LNP1: variants seen among roughly 807,000 people sequenced by gnomAD.
LNP1 encodes the protein leukemia NUP98 fusion partner 1.
In LNP1, 12 loss-of-function variants were observed where a neutral mutation model predicts 14.5. That is an observed-to-expected ratio of 0.83 (90% CI 0.53 to 1.34). The LOEUF is 1.34. LNP1 is among the 40% of genes most tolerant of loss of function. LNP1 has a pLI of 0.00. For missense variants in LNP1, 198 were observed against 210.9 expected, an observed-to-expected ratio of 0.94 and a Z score of 0.38; for synonymous variants, 75 against 71.4, an observed-to-expected ratio of 1.05 and a Z score of -0.26.
chr3:100,449,975 G>A (rs948243061), intron 2 of LNP1, among the ~76,000 whole-genome samples: 1 of 152,046 alleles, frequency 6.6e-6, no homozygotes, highest in East Asian at 1.9e-4. Flanking sequence ...GCTTGGCCTG[G>A]CTAGCAAAAA....
chr3:100,447,365 C>T (rs562559701), intron 2 of LNP1, among the ~76,000 whole-genome samples: 26 of 151,994 alleles, frequency 1.7e-4, no homozygotes, highest in African/African-American at 5.3e-4. Context: ...AACCAAACAC[C>T]GCATGTTCTC....
intron 2 of LNP1, among the ~76,000 whole-genome samples, chr3:100,447,789 A>G (rs1054914685): frequency 8.5e-5 from 13 of 152,146 alleles, no homozygotes; most frequent in Non-Finnish European, 1.9e-4. Context: ...CTTTCTTACA[A>G]GAAAATTCCC....
At chr3:100,422,384 T>C (rs1339326414) in intron 1 of LNP1, among the ~76,000 whole-genome samples, 1 of 151,940 alleles carries the variant, frequency 6.6e-6, no homozygotes, top group Non-Finnish European at 1.5e-5. Flanking sequence ...AGGGTTTCAC[T>C]GTGTTAGCCA....
intron 1 of LNP1, among the ~76,000 whole-genome samples, chr3:100,409,409 C>T (rs1469581455): frequency 2.6e-5 from 4 of 151,566 alleles, no homozygotes; most frequent in Admixed American, 2.6e-4. Flanking sequence ...CTTTGGGAGG[C>T]TGAGGCGGGT....
chr3:100,439,329 T>C (rs1367192664), intron 2 of LNP1, among the ~76,000 whole-genome samples: 1 of 152,034 alleles, frequency 6.6e-6, no homozygotes, highest in Non-Finnish European at 1.5e-5. Flanking sequence ...GAGAAAAACT[T>C]TGGTAAGAGT....
In LNP1 at chr3:100,450,089, CTTTTT is replaced by C. The variant is rs57762414; in HGVS notation, c.157-1616_157-1612del. ...GGTCGTTTTTCTCCACACCATACCA[CTTTTT>C]TTTTTTTTTTTTTGGTGGGAACGTA... On this transcript the variant is annotated intron_variant, in intron 2 of 3. Coordinates refer to ENST00000383693, the MANE Select transcript of LNP1 (RefSeq NM_001085451.2). 9.2e-4 allele frequency among the ~76,000 whole-genome samples: 124 copies of C among 135,160 alleles called. 2 individuals are homozygous for C. In the South Asian group the frequency reaches 0.012, roughly 13 times the overall value. 88.7% of individuals were successfully genotyped at this position (135,160 alleles called of 152,430 possible). A position where few individuals can be genotyped will look rare whatever the true frequency, so the allele number is the denominator to read the frequency against.
At chr3:100,453,930 A>C (rs1278257944) in intron 3 of LNP1, among the ~76,000 whole-genome samples, 1 of 152,144 alleles carries the variant, frequency 6.6e-6, no homozygotes, top group Non-Finnish European at 1.5e-5. Context: ...ATTTGAAATC[A>C]TGTGTTGCTA....
At position 100,442,775 on chromosome 3, in the gene LNP1, T is replaced by A. The variant is rs369465583; in HGVS notation, c.157-8944T>A. 4.0e-3 allele frequency among the ~76,000 whole-genome samples: 606 copies of A among 152,276 alleles called. 3 individuals are homozygous for A. Among genetic ancestry groups the A allele is most frequent in the African/African-American group, 0.013 (548 of 41,570 alleles). ...TTCTTTCACATTTCCCTCCTTTTTT[T>A]AAAAATAAAATCTTTTGGAATAAGT... On this transcript the variant is annotated intron_variant, in intron 2 of 3. Transcript: ENST00000383693.
chr3:100,432,030 A>G (rs1319787528), intron 2 of LNP1, among the ~76,000 whole-genome samples: 1 of 62,504 alleles, frequency 1.6e-5, no homozygotes, highest in Admixed American at 1.7e-4. Flanking sequence ...ATATATATAT[A>G]TATATATATA....
chr3:100,437,842 TTAAAGA>T (rs910572162), intron 2 of LNP1, among the ~76,000 whole-genome samples: 2 of 152,216 alleles, frequency 1.3e-5, no homozygotes, highest in African/African-American at 2.4e-5. Flanking sequence ...GTTGCTGTTG[TTAAAGA>T]TAAAGGATTT....
chr3:100,416,912 T>C (rs2148900490), intron 1 of LNP1, among the ~76,000 whole-genome samples: 1 of 152,116 alleles, frequency 6.6e-6, no homozygotes, highest in East Asian at 1.9e-4. Flanking sequence ...GGCCCAGGTG[T>C]ATGTTGTTCC....
chr3:100,413,464 C>T (rs976329144), intron 1 of LNP1, among the ~76,000 whole-genome samples: 1 of 152,172 alleles, frequency 6.6e-6, no homozygotes, highest in African/African-American at 2.4e-5. Context: ...GTTTCCTCTC[C>T]TTAGCTGTGA....
intron 1 of LNP1, among the ~76,000 whole-genome samples, chr3:100,413,132 C>G (rs756103): frequency 0.24 from 36,204 of 152,174 alleles, 5,375 homozygotes; most frequent in Middle Eastern, 0.38. Flanking sequence ...CTGGCTAGAT[C>G]CCAGTCCCTA....
At chr3:100,427,022 G>T (rs776150514) in intron 1 of LNP1, among the ~76,000 whole-genome samples, 1 of 151,928 alleles carries the variant, frequency 6.6e-6, no homozygotes, top group South Asian at 2.1e-4. Context: ...TAAATTCAGC[G>T]TATATGATTC....
chr3:100,426,601 A>G (rs1301352147), intron 1 of LNP1, among the ~76,000 whole-genome samples: 4 of 152,218 alleles, frequency 2.6e-5, no homozygotes, highest in African/African-American at 9.6e-5. Flanking sequence ...TGATTATATA[A>G]GAACTTATTA....
chr3:100,451,199 C>G (rs1215953029), intron 2 of LNP1, among the ~76,000 whole-genome samples: 1 of 152,188 alleles, frequency 6.6e-6, no homozygotes, highest in Non-Finnish European at 1.5e-5. Context: ...GCCCCTGACA[C>G]AGCCTCAGGA....
At position 100,402,046 on chromosome 3, in the gene LNP1, C is replaced by G. The variant is rs944523559; in HGVS notation, c.-427C>G. On this transcript the variant is annotated 5_prime_UTR_variant, in exon 1 of 4. Transcript: ENST00000383693. ...TTGCAGTAGCAGTCTCAGCCCTCTT[C>G]TCGTCTCATTCCCAAATCGTAATTT... is the stretch of plus-strand genomic sequence containing the variant. 6.6e-6 allele frequency: 1 copy of G among 152,274 alleles called. No homozygotes were observed. The highest frequency in any genetic ancestry group is 1.5e-5 in the Non-Finnish European group (1 of 68,056). The allele number at this position is 152,274 out of a possible 1,614,324, so 9.4% of individuals were successfully genotyped here.
At chr3:100,446,578 AC>A (rs527254660) in intron 2 of LNP1, among the ~76,000 whole-genome samples, 1,707 of 152,332 alleles carry the variant, frequency 0.011, 23 homozygotes, top group African/African-American at 0.039. Context: ...AGCAATGGCA[AC>A]AAAAGCCAAA....
chr3:100,414,762 A>G (rs899060528), intron 1 of LNP1, among the ~76,000 whole-genome samples: 2 of 152,176 alleles, frequency 1.3e-5, no homozygotes, highest in African/African-American at 4.8e-5. Flanking sequence ...ATGTCCTACA[A>G]CTAGAAGAAA....
Sources: gnomAD v4.1 joint callset for allele counts (sites outside exome capture counted in the v4.1 genomes callset) on GRCh38, gnomAD v4.1.1 for gene constraint, MANE v1.5 for transcripts, NCBI Gene and HGNC (gene_info 2026-07-23, HGNC 2026-07-21) for gene names.